The following RGS8 variants were observed in gnomAD, a reference collection of about 807,000 sequenced individuals.
RGS8 encodes the protein regulator of G-protein signaling 8.
In RGS8, 8 loss-of-function variants were observed where a neutral mutation model predicts 21.7. The ratio of observed to expected loss-of-function variants is 0.37; its 90% CI spans 0.22 to 0.66. The LOEUF (loss-of-function observed/expected upper bound fraction) is 0.66. Ranked by LOEUF, RGS8 falls within the 30% of genes least tolerant of loss-of-function variation. The pLI is 0.59. For missense variants in RGS8, 157 were observed against 217.9 expected, an observed-to-expected ratio of 0.72 and a Z score of 1.76; for synonymous variants, 80 against 83.6, an observed-to-expected ratio of 0.96 and a Z score of 0.24.
intron 2 of RGS8, among the ~76,000 whole-genome samples, chr1:182,670,149 C>T (rs1664085287): frequency 6.6e-6 from 1 of 152,194 alleles, no homozygotes; most frequent in Non-Finnish European, 1.5e-5. Context: ...TTGGATGCTG[C>T]TCTGATTCTC....
upstream of RGS8, chr1:182,672,728 G>A (rs1664223595): frequency 1.4e-6 from 2 of 1,469,608 alleles, no homozygotes; most frequent in African/African-American, 2.8e-5. Context: ...ATTTGTTATG[G>A]AGTGAGACTT....
At chr1:182,655,507 G>A (rs566210906) in intron 5 of RGS8, among the ~76,000 whole-genome samples, 1 of 152,330 alleles carries the variant, frequency 6.6e-6, no homozygotes, top group South Asian at 2.1e-4. Flanking sequence ...ATTTGGAGTT[G>A]GAGATGTGTG....
the RGS8 span, among the ~76,000 whole-genome samples, chr1:182,739,556 C>A: frequency 3.3e-5 from 5 of 152,158 alleles, no homozygotes; most frequent in African/African-American, 1.2e-4. Context: ...ATTGTTCATT[C>A]CTTTTCTAAA....
the RGS8 span, among the ~76,000 whole-genome samples, chr1:182,693,595 T>C: frequency 6.6e-6 from 1 of 152,358 alleles, no homozygotes; most frequent in East Asian, 1.9e-4. Context: ...AGAATTACCA[T>C]TTGACCCAGC....
At chr1:182,731,806 G>A in the RGS8 span, among the ~76,000 whole-genome samples, 8 of 152,226 alleles carry the variant, frequency 5.3e-5, no homozygotes, top group African/African-American at 1.9e-4. Context: ...AAAAACAGCA[G>A]TATAATAGAT....
At chr1:182,742,461 G>A in the RGS8 span, among the ~76,000 whole-genome samples, 1 of 152,226 alleles carries the variant, frequency 6.6e-6, no homozygotes, top group Admixed American at 6.5e-5. Context: ...TGAGCACTGA[G>A]TGAACGAGAC....
the RGS8 span, chr1:182,733,938 T>A: frequency 6.6e-6 from 1 of 152,084 alleles, no homozygotes; most frequent in East Asian, 1.9e-4. Flanking sequence ...TATAATTTTT[T>A]GAGATGGAGT....
chr1:182,684,786 C>A (rs1317382332), upstream of RGS8, among the ~76,000 whole-genome samples: 4 of 151,826 alleles, frequency 2.6e-5, no homozygotes, highest in East Asian at 5.8e-4. The surrounding 1 kb of genome is among the most constrained non-coding windows in gnomAD (Gnocchi z 4.2). Context: ...CAGGGAGAGG[C>A]AGAGTTCAGA....
chr1:182,676,928 C>T (rs75719426), upstream of RGS8, among the ~76,000 whole-genome samples: 2,523 of 152,122 alleles, frequency 0.017, 72 homozygotes, highest in African/African-American at 0.058. Context: ...TTTCTCAGGG[C>T]GATTATATGC....
intron 4 of RGS8, among the ~76,000 whole-genome samples, chr1:182,666,358 G>C (rs1310583606): frequency 6.6e-6 from 1 of 152,198 alleles, no homozygotes. Context: ...AGAAAAGTTA[G>C]ACTCAGCTCC....
At chr1:182,671,978 G>T, upstream of RGS8, 3 of 1,278,674 alleles carry the variant, frequency 2.3e-6, no homozygotes, top group Non-Finnish European at 3.0e-6. Flanking sequence ...CAGTCTGCAC[G>T]CCCATCCTCA....
At chr1:182,700,523 C>T in the RGS8 span, among the ~76,000 whole-genome samples, 3 of 152,182 alleles carry the variant, frequency 2.0e-5, no homozygotes, top group African/African-American at 4.8e-5. Context: ...CCAAGAGACA[C>T]CCCAGGTTCA....
chr1:182,658,466 T>C (rs1390425378), intron 5 of RGS8: 1 of 152,218 alleles, frequency 6.6e-6, no homozygotes, highest in Non-Finnish European at 1.5e-5. Flanking sequence ...AGTCCTCTTG[T>C]ATCCCCGAAC....
At chr1:182,736,868 T>C in the RGS8 span, among the ~76,000 whole-genome samples, 1 of 152,202 alleles carries the variant, frequency 6.6e-6, no homozygotes, top group Admixed American at 6.5e-5. Context: ...GACATGTCCA[T>C]ATAGAGAGGC....
intron 5 of RGS8, among the ~76,000 whole-genome samples, chr1:182,664,294 A>AC (rs60647263): frequency 6.6e-6 from 1 of 152,100 alleles, no homozygotes; most frequent in East Asian, 1.9e-4. Flanking sequence ...TAAAAAAAAA[A>AC]CCCACCATAT....
At chr1:182,656,372 A>C (rs1260196330) in intron 5 of RGS8, among the ~76,000 whole-genome samples, 1 of 152,154 alleles carries the variant, frequency 6.6e-6, no homozygotes, top group East Asian at 1.9e-4. Context: ...ATTCTCCACC[A>C]AAAGGACACC....
At chr1:182,733,556 G>A in the RGS8 span, among the ~76,000 whole-genome samples, 1 of 152,308 alleles carries the variant, frequency 6.6e-6, no homozygotes, top group Non-Finnish European at 1.5e-5. Flanking sequence ...CTGGAACAAT[G>A]CCTTGGAGTG....
the RGS8 span, among the ~76,000 whole-genome samples, chr1:182,743,354 G>A: frequency 5.3e-5 from 8 of 152,100 alleles, no homozygotes; most frequent in African/African-American, 1.7e-4. Context: ...ATGGAGCACC[G>A]AGAATTGTAG....
upstream of RGS8, among the ~76,000 whole-genome samples, chr1:182,676,366 G>C (rs1177408538): frequency 6.6e-6 from 1 of 152,168 alleles, no homozygotes; most frequent in African/African-American, 2.4e-5. Flanking sequence ...TTGGATATTA[G>C]ATTTGAATTC....
Sources: allele counts gnomAD v4.1 joint callset (sites outside exome capture counted in the v4.1 genomes callset), GRCh38; gene constraint gnomAD v4.1.1; non-coding constraint Gnocchi (gnomAD v3.1); transcripts MANE v1.5; gene names NCBI Gene and HGNC (gene_info 2026-07-23, HGNC 2026-07-21).